The following PLA2R1 variants were observed in gnomAD, a reference collection of about 807,000 sequenced individuals.
PLA2R1 encodes the protein phospholipase A2 receptor 1, also known as secretory phospholipase A2 receptor.
In PLA2R1, 158 loss-of-function variants were observed where a neutral mutation model predicts 195.9. The ratio of observed to expected loss-of-function variants is 0.81; its 90% CI spans 0.71 to 0.92. The LOEUF (loss-of-function observed/expected upper bound fraction) is 0.92. PLA2R1 is among the 40% of genes least tolerant of loss of function. PLA2R1 has a pLI of 0.00. For missense variants in PLA2R1, 1,626 were observed against 1,764.6 expected (o/e 0.92, Z 1.41); for synonymous variants, 586 against 598.2 (o/e 0.98, Z 0.30).
intron 11 of PLA2R1, among the ~76,000 whole-genome samples, chr2:159,995,846 T>G (rs1292309218): frequency 6.6e-6 from 1 of 151,978 alleles, no homozygotes; most frequent in Admixed American, 6.6e-5. Context: ...CCAATCTCCT[T>G]CACTATAGAC....
At chr2:159,964,608 A>T (rs67045814) in intron 20 of PLA2R1, among the ~76,000 whole-genome samples, 4 of 152,128 alleles carry the variant, frequency 2.6e-5, no homozygotes, top group Admixed American at 6.5e-5. Flanking sequence ...TCATTACTAT[A>T]GTAAAGTTTT....
intron 1 of PLA2R1, among the ~76,000 whole-genome samples, chr2:160,048,635 T>C (rs1695033892): frequency 6.6e-6 from 1 of 152,132 alleles, no homozygotes; most frequent in South Asian, 2.1e-4. Context: ...AGTTGTTGGA[T>C]TTTTTAAAAG....
At position 160,041,589 on chromosome 2, in the gene PLA2R1, C is replaced by T. The variant is rs375357893; in HGVS notation, c.667+436G>A. On this transcript the variant is annotated intron_variant, in intron 3 of 29. Transcript: ENST00000283243. ...AAGATCATCAAGGGGCCAGCTGGTGCCTGGGCTTGACAATGGGCGAGACAA... is the reference window on the plus strand; with the variant it reads ...AAGATCATCAAGGGGCCAGCTGGTGTCTGGGCTTGACAATGGGCGAGACAA... 5.3e-4 allele frequency among the ~76,000 whole-genome samples: 81 copies of T among 152,126 alleles called. 2 individuals are homozygous for T. The South Asian group carries it at 0.016, about 31-fold the overall frequency.
intron 1 of PLA2R1, among the ~76,000 whole-genome samples, chr2:160,054,625 G>C (rs541453477): frequency 7.9e-5 from 12 of 152,262 alleles, no homozygotes; most frequent in African/African-American, 2.9e-4. Context: ...TTTCTGTCTT[G>C]TTTAGCTCTG....
intron 7 of PLA2R1, among the ~76,000 whole-genome samples, chr2:160,021,470 AATC>A (rs1459236661): frequency 1.3e-5 from 2 of 152,232 alleles, no homozygotes; most frequent in East Asian, 3.8e-4. Flanking sequence ...AAAAGAATGA[AATC>A]ATATCTTTCG....
chr2:160,014,633 C>A (rs1415100350), intron 9 of PLA2R1, among the ~76,000 whole-genome samples: 2 of 152,118 alleles, frequency 1.3e-5, no homozygotes, highest in Admixed American at 6.5e-5. Flanking sequence ...AAAATGATTT[C>A]TCATAAATTT....
Position 160,028,958 on chromosome 2 carries a change from T to C in PLA2R1, c.847A>G (p.Met283Val), listed in dbSNP as rs756493805. Residue 283 changes from methionine to valine, a missense_variant, in exon 5 of 30, where the codon ATG becomes GTG. By Grantham distance (21) the Met-to-Val change is conservative. Coordinates refer to ENST00000283243, the MANE Select transcript of PLA2R1 (RefSeq NM_007366.5). ...ETEENFIREH[M>V]SSKTVEVWMG... ...CACACCTCCACTGTTTTACTGCTCA[T>C]GTGCTCTGAAATGAAAATTATGGAG... 5 of 1,548,024 alleles carry C rather than the reference T, an allele frequency of 3.2e-6. No individual in the cohort carries two copies. The highest frequency in any genetic ancestry group is 1.7e-5 in the Admixed American group (1 of 59,898).
chr2:159,936,444 T>C lies in PLA2R1; in HGVS notation c.*5334A>G, dbSNP rs1686838546. 6.6e-6 allele frequency: 1 copy of C among 152,218 alleles called. No individual in the cohort carries two copies. The highest frequency in any genetic ancestry group is 6.5e-5 in the Admixed American group (1 of 15,276). The allele number at this position is 152,218 out of a possible 1,614,324, so 9.4% of individuals were successfully genotyped here. A position where few individuals can be genotyped will look rare whatever the true frequency, so the allele number is the denominator to read the frequency against. ...TGGATCTGTTAATGAAATGGATATATCATAGATAAAAATTAATTAGTATTA... is the reference window on the plus strand; with the variant it reads ...TGGATCTGTTAATGAAATGGATATACCATAGATAAAAATTAATTAGTATTA... On this transcript the variant is annotated 3_prime_UTR_variant, in exon 30 of 30. Transcript: ENST00000283243.
At chr2:160,059,020 G>A (rs1427912445) in intron 1 of PLA2R1, among the ~76,000 whole-genome samples, 6 of 152,196 alleles carry the variant, frequency 3.9e-5, no homozygotes, top group South Asian at 4.1e-4. Context: ...CTGGGGTGAC[G>A]GGAGACAGTG....
intron 2 of PLA2R1, 110 bp from the exon 3 acceptor site, chr2:160,042,308 T>G: frequency 1.2e-6 from 1 of 833,660 alleles, no homozygotes; most frequent in South Asian, 1.7e-5. Context: ...TTGGGGCAGA[T>G]ACTCACTACA....
chr2:159,970,524 A>G (rs1374684511), intron 17 of PLA2R1, among the ~76,000 whole-genome samples: 1 of 152,206 alleles, frequency 6.6e-6, no homozygotes, highest in Non-Finnish European at 1.5e-5. Context: ...ATTTTCTGAC[A>G]AAAAATTATT....
intron 3 of PLA2R1, among the ~76,000 whole-genome samples, chr2:160,035,003 T>C (rs1437888281): frequency 6.6e-6 from 1 of 152,224 alleles, no homozygotes; most frequent in African/African-American, 2.4e-5. Flanking sequence ...AAATATTGTA[T>C]AAAATTACCT....
At chr2:160,041,548 CA>C (rs1309254656) in intron 3 of PLA2R1, among the ~76,000 whole-genome samples, 1 of 152,122 alleles carries the variant, frequency 6.6e-6, no homozygotes, top group African/African-American at 2.4e-5. Flanking sequence ...ATAATGAGGG[CA>C]ATTGCGATTT....
Position 159,942,295 on chromosome 2 carries a change from C to T in PLA2R1, c.4145-136G>A, listed in dbSNP as rs1186003816. ...AAAATGTTTTACTGGAACTTAGCCA[C>T]ACTCATTCATTGATGTATTGTTACA... On this transcript the variant is annotated intron_variant, in intron 28 of 29. Transcript: ENST00000283243. 3 of 657,136 alleles carry T rather than the reference C, an allele frequency of 4.6e-6. No individual in the cohort carries two copies. The Admixed American group carries it at 8.3e-5, about 18-fold the overall frequency. 40.7% of individuals were successfully genotyped at this position (657,136 alleles called of 1,614,324 possible).
intron 16 of PLA2R1, 141 bp from the exon 17 acceptor site, chr2:159,976,366 A>G: frequency 1.6e-6 from 1 of 622,356 alleles, no homozygotes; most frequent in South Asian, 2.1e-5. Flanking sequence ...ACACAGACAC[A>G]TATGCACATA....
chr2:160,055,064 C>T (rs62175517), intron 1 of PLA2R1, among the ~76,000 whole-genome samples: 45,933 of 152,086 alleles, frequency 0.3, 8,735 homozygotes, highest in Non-Finnish European at 0.42. Flanking sequence ...GTGGCCCCAT[C>T]TTTCCTGTGA....
At position 159,936,923 on chromosome 2, in the gene PLA2R1, T is replaced by A. The variant is rs1411044771; in HGVS notation, c.*4855A>T. The A allele has an allele frequency of 6.6e-6, 1 of 152,238 alleles. No individual in the cohort carries two copies. The highest frequency in any genetic ancestry group is 1.5e-5 in the Non-Finnish European group (1 of 68,034). 9.4% of individuals were successfully genotyped at this position (152,238 alleles called of 1,614,324 possible). A position where few individuals can be genotyped will look rare whatever the true frequency, so the allele number is the denominator to read the frequency against. On this transcript the variant is annotated 3_prime_UTR_variant, in exon 30 of 30. Coordinates refer to ENST00000283243, the MANE Select transcript of PLA2R1 (RefSeq NM_007366.5). ...CAGCACTCTCTAACTTATCTTAACA[T>A]AGAAACTTTGTTCATATAAATAAGT...
At chr2:160,037,113 C>T (rs1350320772) in intron 3 of PLA2R1, among the ~76,000 whole-genome samples, 1 of 152,166 alleles carries the variant, frequency 6.6e-6, no homozygotes, top group Non-Finnish European at 1.5e-5. Context: ...TTTCCAATCC[C>T]CTTGCTGCCA....
In PLA2R1 at chr2:160,042,301, G is replaced by C; in HGVS notation, c.494-103C>G. ...TTTTTTATGGACTGAAACCCTCTTG[G>C]GGCAGATACTCACTACAGCAGAGTG... On this transcript the variant is annotated intron_variant, in intron 2 of 29. Coordinates refer to ENST00000283243, the MANE Select transcript of PLA2R1 (RefSeq NM_007366.5). 4 of 908,078 alleles carry C rather than the reference G, an allele frequency of 4.4e-6. No individual in the cohort carries two copies. The Admixed American group carries it at 8.5e-5, about 19-fold the overall frequency. The allele number at this position is 908,078 out of a possible 1,614,324, so 56.3% of individuals were successfully genotyped here. A position where few individuals can be genotyped will look rare whatever the true frequency, so the allele number is the denominator to read the frequency against.
Sources: allele counts gnomAD v4.1 joint callset (sites outside exome capture counted in the v4.1 genomes callset), GRCh38; gene constraint gnomAD v4.1.1; transcripts MANE v1.5; gene names NCBI Gene and HGNC (gene_info 2026-07-23, HGNC 2026-07-21).